DIAPH3: variants seen among roughly 807,000 people sequenced by gnomAD.
The protein encoded by DIAPH3 is protein diaphanous homolog 3.
In DIAPH3, 117 loss-of-function variants were observed where a neutral mutation model predicts 144.3. The ratio of observed to expected loss-of-function variants is 0.81; its 90% CI spans 0.70 to 0.95. The LOEUF (loss-of-function observed/expected upper bound fraction) is 0.95. Ranked by LOEUF, DIAPH3 falls within the 40% of genes least tolerant of loss-of-function variation. The pLI, the probability that DIAPH3 is intolerant of heterozygous loss-of-function variation, is 0.00. For synonymous variants in DIAPH3, 519 were observed against 488.9 expected, an observed-to-expected ratio of 1.06 and a Z score of -0.81; for missense variants, 1,421 against 1,412.7, an observed-to-expected ratio of 1.01 and a Z score of -0.09.
intron 27 of DIAPH3, among the ~76,000 whole-genome samples, chr13:59,752,654 C>T (rs914910063): frequency 2.6e-5 from 4 of 152,158 alleles, no homozygotes; most frequent in Admixed American, 1.3e-4. Flanking sequence ...AGACGTGAGC[C>T]ACTGCACCCA....
chr13:60,128,395 G>C (rs1477443456), intron 2 of DIAPH3, among the ~76,000 whole-genome samples: 1 of 152,120 alleles, frequency 6.6e-6, no homozygotes. Context: ...CTTTATGGTA[G>C]AAAATTTTAT....
At chr13:59,843,439 C>T (rs1173906015) in intron 22 of DIAPH3, among the ~76,000 whole-genome samples, 1 of 152,116 alleles carries the variant, frequency 6.6e-6, no homozygotes. Flanking sequence ...GGATAAAAGG[C>T]CTGTGACTTT....
intron 27 of DIAPH3, among the ~76,000 whole-genome samples, chr13:59,675,053 A>C (rs1243749227): frequency 2.0e-5 from 3 of 152,150 alleles, no homozygotes. Flanking sequence ...AAACTTTTAC[A>C]TGCTATCTTT....
At chr13:59,927,848 A>C (rs963864644) in intron 17 of DIAPH3, among the ~76,000 whole-genome samples, 1 of 152,174 alleles carries the variant, frequency 6.6e-6, no homozygotes, top group African/African-American at 2.4e-5. Flanking sequence ...ATATGAATAT[A>C]ATATGTCTCA....
rs1555274392 is a variant in DIAPH3, at chr13:59,697,491, A to AAAAAAAAAAG, written c.3320-30646_3320-30645insCTTTTTTTTT. Among the ~76,000 whole-genome samples, 141 of 77,998 alleles carry AAAAAAAAAAG rather than the reference A, an allele frequency of 1.8e-3. 3 individuals are homozygous for AAAAAAAAAAG. Among genetic ancestry groups the AAAAAAAAAAG allele is most frequent in the Non-Finnish European group, 2.4e-3 (97 of 40,196 alleles). The allele number at this position is 77,998 out of a possible 152,430, so 51.2% of individuals were successfully genotyped here. A position where few individuals can be genotyped will look rare whatever the true frequency, so the allele number is the denominator to read the frequency against. The stretch of plus-strand genomic sequence containing the variant: ...AAAAAAAAAAAAAAAAAAAAAAAAA[A>AAAAAAAAAAG]AAGAAGAGGGGATTCAACTCATATA... On this transcript the variant is annotated intron_variant, in intron 27 of 27. Transcript: ENST00000400324.
At chr13:60,012,911 C>G (rs758893757) in intron 7 of DIAPH3, 8 of 807,522 alleles carry the variant, frequency 9.9e-6, no homozygotes, top group Non-Finnish European at 1.2e-5. Context: ...CATTTTAAGA[C>G]TGGAATGAGG....
chr13:60,054,548 CT>C (rs2056484555), intron 4 of DIAPH3, among the ~76,000 whole-genome samples: 1 of 151,836 alleles, frequency 6.6e-6, no homozygotes. Context: ...TTTGCAATTG[CT>C]GAATTCCCAG....
chr13:59,835,189 A>C (rs567754498), intron 23 of DIAPH3, among the ~76,000 whole-genome samples: 1 of 151,932 alleles, frequency 6.6e-6, no homozygotes, highest in East Asian at 1.9e-4. Context: ...TTAAGTACAC[A>C]GGATCCAGCA....
chr13:59,953,107 G>A (rs1022026967), intron 17 of DIAPH3, among the ~76,000 whole-genome samples: 1 of 152,106 alleles, frequency 6.6e-6, no homozygotes, highest in Non-Finnish European at 1.5e-5. Flanking sequence ...GATTAATTTG[G>A]GAGTTGAGCA....
intron 17 of DIAPH3, among the ~76,000 whole-genome samples, chr13:59,925,803 T>A (rs1428083041): frequency 2.0e-5 from 3 of 152,174 alleles, no homozygotes; most frequent in African/African-American, 7.2e-5. Context: ...GGTTTTCCAA[T>A]GTGTTGGCAA....
At chr13:59,964,541 C>T (rs547049332) in intron 17 of DIAPH3, among the ~76,000 whole-genome samples, 2 of 152,142 alleles carry the variant, frequency 1.3e-5, no homozygotes, top group African/African-American at 4.8e-5. Flanking sequence ...TATGCTGTAA[C>T]TAAGCATTTA....
chr13:59,935,215 T>TA (rs2048207291), intron 17 of DIAPH3, among the ~76,000 whole-genome samples: 1 of 152,122 alleles, frequency 6.6e-6, no homozygotes, highest in African/African-American at 2.4e-5. Context: ...AGAACCAACT[T>TA]TAGGACTTGA....
At chr13:60,023,634 A>G (rs985225157) in intron 5 of DIAPH3, among the ~76,000 whole-genome samples, 1 of 151,290 alleles carries the variant, frequency 6.6e-6, no homozygotes, top group African/African-American at 2.4e-5. Flanking sequence ...GGGTTTCACC[A>G]TTTTGGCCAG....
At chr13:60,010,477 G>T in intron 8 of DIAPH3, 56 bp downstream of exon 8, 1 of 1,471,332 alleles carries the variant, frequency 6.8e-7, no homozygotes, top group South Asian at 1.2e-5. Context: ...AACATTAAAT[G>T]AATCAATCTG....
chr13:60,032,681 C>G (rs1001841403), intron 5 of DIAPH3, among the ~76,000 whole-genome samples: 3 of 152,220 alleles, frequency 2.0e-5, no homozygotes, highest in African/African-American at 7.2e-5. Flanking sequence ...GGCCTCTGGG[C>G]CAGTGATGGG....
At chr13:60,089,157 T>C (rs569784037) in intron 4 of DIAPH3, among the ~76,000 whole-genome samples, 1 of 152,164 alleles carries the variant, frequency 6.6e-6, no homozygotes, top group East Asian at 1.9e-4. Context: ...AAAATAAGCA[T>C]TAATAAACAC....
chr13:59,828,486 G>A (rs2139689561), intron 24 of DIAPH3, among the ~76,000 whole-genome samples: 1 of 151,910 alleles, frequency 6.6e-6, no homozygotes. Flanking sequence ...TCTCTGAGCA[G>A]CAATGTACCT....
chr13:60,127,509 C>CAA (rs150981184), intron 2 of DIAPH3, among the ~76,000 whole-genome samples: 2 of 149,800 alleles, frequency 1.3e-5, no homozygotes, highest in African/African-American at 2.5e-5. Context: ...AACATATACA[C>CAA]AAAAAAAAAC....
At chr13:60,144,343 A>G (rs1951408027) in intron 1 of DIAPH3, among the ~76,000 whole-genome samples, 1 of 152,212 alleles carries the variant, frequency 6.6e-6, no homozygotes, top group South Asian at 2.1e-4. Context: ...AAAACTAGGC[A>G]AACTATTTTA....
Sources: gnomAD v4.1 joint callset for allele counts (sites outside exome capture counted in the v4.1 genomes callset) on GRCh38, gnomAD v4.1.1 for gene constraint, MANE v1.5 for transcripts, NCBI Gene and HGNC (gene_info 2026-07-23, HGNC 2026-07-21) for gene names.